TMTC2: variants seen among roughly 807,000 people sequenced by gnomAD.
TMTC2 encodes protein O-mannosyl-transferase TMTC2.
A neutral mutation model predicts 82.4 loss-of-function variants in TMTC2; 43 were observed. The ratio of observed to expected loss-of-function variants is 0.52; its 90% confidence interval spans 0.41 to 0.67. The LOEUF is 0.67. Ranked by LOEUF, TMTC2 falls within the 30% of genes least tolerant of loss-of-function variation. The pLI is 0.00. For missense variants in TMTC2, 919 were observed against 1,012.4 expected (o/e 0.91, Z 1.25); for synonymous variants, 408 against 381.9 (o/e 1.07, Z -0.80).
chr12:82,811,807 C>CTTTTTT (rs1171596880), intron 1 of TMTC2, among the ~76,000 whole-genome samples: 7 of 91,088 alleles, frequency 7.7e-5, no homozygotes, highest in South Asian at 3.7e-4. Context: ...TGCTCTCCTT[C>CTTTTTT]TTTTTTTTTT....
At chr12:82,698,813 A>T (rs571525821) in intron 1 of TMTC2, among the ~76,000 whole-genome samples, 2 of 152,290 alleles carry the variant, frequency 1.3e-5, no homozygotes, top group Admixed American at 6.5e-5. Flanking sequence ...AAACACTGTG[A>T]TACCTCGTCA....
intron 2 of TMTC2, among the ~76,000 whole-genome samples, chr12:82,859,811 A>G (rs7961012): frequency 1 from 152,288 of 152,294 alleles, 76,141 homozygotes; most frequent in Middle Eastern, 1. Flanking sequence ...GGCGACCACC[A>G]CTTGCAGGGC....
At chr12:82,954,233 C>T (rs1877495910) in intron 4 of TMTC2, among the ~76,000 whole-genome samples, 1 of 152,298 alleles carries the variant, frequency 6.6e-6, no homozygotes, top group African/African-American at 2.4e-5. Context: ...ATGGCTTGAT[C>T]TGTCTGGAAT....
chr12:83,082,449 T>C (rs1235601948), intron 11 of TMTC2, among the ~76,000 whole-genome samples: 2 of 152,218 alleles, frequency 1.3e-5, no homozygotes, highest in East Asian at 3.9e-4. Context: ...TGCAAGTCCT[T>C]AAAGCCCATT....
chr12:82,828,065 G>T (rs1031843053), intron 1 of TMTC2, among the ~76,000 whole-genome samples: 4 of 151,584 alleles, frequency 2.6e-5, no homozygotes, highest in Non-Finnish European at 5.9e-5. Context: ...GCTAATTTTT[G>T]TATTTTTAGT....
intron 11 of TMTC2, among the ~76,000 whole-genome samples, chr12:83,124,367 T>C (rs1271290656): frequency 1.3e-5 from 2 of 152,146 alleles, no homozygotes; most frequent in African/African-American, 4.8e-5. Flanking sequence ...GAGAGTTTAT[T>C]TTATATGGCA....
chr12:83,014,727 G>C lies in TMTC2; in HGVS notation c.2071-16071G>C, dbSNP rs1187796011. Reference sequence around the variant, plus strand: ...GGTATAAAAGGTCTAGTTAAGAAGAGAACTTTTTTTTTTTGAGTGTTCACA... The same window carrying C: ...GGTATAAAAGGTCTAGTTAAGAAGACAACTTTTTTTTTTTGAGTGTTCACA... On this transcript the variant is annotated intron_variant, in intron 8 of 11. Transcript: ENST00000321196. 1.2e-4 allele frequency among the ~76,000 whole-genome samples: 4 copies of C among 33,404 alleles called. No homozygotes were observed. In the East Asian group the frequency reaches 3.4e-3, roughly 29 times the overall value. The allele number at this position is 33,404 out of a possible 152,430, so 21.9% of individuals were successfully genotyped here. A position where few individuals can be genotyped will look rare whatever the true frequency, so the allele number is the denominator to read the frequency against.
intron 11 of TMTC2, among the ~76,000 whole-genome samples, chr12:83,082,675 A>G (rs900748925): frequency 8.5e-5 from 13 of 152,218 alleles, no homozygotes; most frequent in Admixed American, 2.6e-4. Flanking sequence ...TTAAATAAGT[A>G]TGTGCTGTAT....
chr12:82,748,181 C>T (rs989213076), intron 1 of TMTC2, among the ~76,000 whole-genome samples: 4 of 152,100 alleles, frequency 2.6e-5, no homozygotes, highest in South Asian at 4.2e-4. Context: ...TGTGGTGGCA[C>T]GCACCTGTAG....
At chr12:82,812,010 G>GTT (rs1868421845) in intron 1 of TMTC2, among the ~76,000 whole-genome samples, 2 of 151,518 alleles carry the variant, frequency 1.3e-5, no homozygotes, top group Admixed American at 1.3e-4. Context: ...TAGAGACATG[G>GTT]TTTCGCCATG....
At chr12:82,910,438 C>G (rs534610322) in intron 3 of TMTC2, among the ~76,000 whole-genome samples, 1 of 152,288 alleles carries the variant, frequency 6.6e-6, no homozygotes, top group East Asian at 1.9e-4. Flanking sequence ...TTTACAGCTA[C>G]TGAAGCCCCA....
At chr12:82,965,457 A>G (rs1878151067) in intron 5 of TMTC2, 103 bp from the exon 6 acceptor site, 1 of 1,257,460 alleles carries the variant, frequency 8.0e-7, no homozygotes, top group Admixed American at 2.4e-5. Context: ...TTTCTTTTTT[A>G]ATGAGCACTA....
intron 1 of TMTC2, among the ~76,000 whole-genome samples, chr12:82,728,528 C>A (rs566428031): frequency 6.6e-6 from 1 of 152,054 alleles, no homozygotes; most frequent in African/African-American, 2.4e-5. Context: ...CCAGACCAGC[C>A]GGGCCAACAT....
At chr12:82,979,299 T>C (rs1878817985) in intron 7 of TMTC2, among the ~76,000 whole-genome samples, 2 of 151,852 alleles carry the variant, frequency 1.3e-5, no homozygotes, top group South Asian at 4.1e-4. Flanking sequence ...TCTCTGGTTG[T>C]ATGTTTTAAT....
At chr12:82,812,777 A>G (rs1868472284) in intron 1 of TMTC2, among the ~76,000 whole-genome samples, 1 of 152,000 alleles carries the variant, frequency 6.6e-6, no homozygotes, top group Non-Finnish European at 1.5e-5. Flanking sequence ...TTGTAAGCTT[A>G]TAGAAAAATA....
At chr12:82,942,961 C>T (rs939932071) in intron 4 of TMTC2, among the ~76,000 whole-genome samples, 1 of 152,008 alleles carries the variant, frequency 6.6e-6, no homozygotes, top group African/African-American at 2.4e-5. Flanking sequence ...TTTTATCTTG[C>T]AGCATTCATT....
At chr12:82,946,943 A>C (rs981569961) in intron 4 of TMTC2, among the ~76,000 whole-genome samples, 1 of 151,828 alleles carries the variant, frequency 6.6e-6, no homozygotes, top group Admixed American at 6.6e-5. Context: ...GGGGTTTCGC[A>C]GTGTTAGCCA....
At chr12:82,704,747 C>T (rs1592860267) in intron 1 of TMTC2, among the ~76,000 whole-genome samples, 2 of 151,032 alleles carry the variant, frequency 1.3e-5, no homozygotes, top group African/African-American at 4.9e-5. Flanking sequence ...TTTATTGGCA[C>T]CCTTTACTAA....
chr12:82,872,686 A>C (rs1872264124), intron 2 of TMTC2, among the ~76,000 whole-genome samples: 1 of 152,164 alleles, frequency 6.6e-6, no homozygotes, highest in Non-Finnish European at 1.5e-5. Flanking sequence ...AATGTCCAGG[A>C]GTGTCCATGT....
Sources: allele counts gnomAD v4.1 joint callset (sites outside exome capture counted in the v4.1 genomes callset), GRCh38; gene constraint gnomAD v4.1.1; transcripts MANE v1.5; gene names NCBI Gene and HGNC (gene_info 2026-07-23, HGNC 2026-07-21).